The following SH3PXD2B variants were observed in gnomAD, a reference collection of about 807,000 sequenced individuals.
The protein encoded by SH3PXD2B is SH3 and PX domains 2B.
SH3PXD2B carries 37 observed loss-of-function variants against 73.1 expected under a neutral mutation model. That is an observed-to-expected ratio of 0.51 (90% CI 0.39 to 0.67). The LOEUF is 0.67. Ranked by LOEUF, SH3PXD2B falls within the 30% of genes least tolerant of loss-of-function variation. The probability of loss-of-function intolerance (pLI) is 0.00; values close to 1 mark genes in which losing one functional copy is unlikely to be tolerated. For missense variants in SH3PXD2B, 1,053 were observed against 1,197.8 expected (o/e 0.88, Z 1.78); for synonymous variants, 457 against 480.5 (o/e 0.95, Z 0.64).
exon 13 of SH3PXD2B, chr5:172,325,365 G>T: frequency 6.5e-7 from 1 of 1,535,166 alleles, no homozygotes; most frequent in South Asian, 1.2e-5. Context: ...CTCTCCAAGT[G>T]AACATTCTTA....
intron 2 of SH3PXD2B, among the ~76,000 whole-genome samples, chr5:172,414,786 G>C (rs141274379): frequency 6.6e-6 from 1 of 152,180 alleles, no homozygotes; most frequent in Non-Finnish European, 1.5e-5. Context: ...GCTCCTTCAC[G>C]GGCAGAGTGA....
chr5:172,432,741 G>A (rs1264437065), intron 1 of SH3PXD2B, among the ~76,000 whole-genome samples: 2 of 152,038 alleles, frequency 1.3e-5, no homozygotes, highest in African/African-American at 2.4e-5. Context: ...GTGAACCTCC[G>A]TTTCTACTAA....
intron 3 of SH3PXD2B, 89 bp from the exon 4 acceptor site, chr5:172,394,728 G>A: frequency 1.4e-6 from 2 of 1,420,432 alleles, no homozygotes; most frequent in Non-Finnish European, 1.9e-6. Flanking sequence ...GCGGTTCCTA[G>A]GGTAGGTCTG....
At chr5:172,342,282 C>T (rs1013619890) in intron 12 of SH3PXD2B, among the ~76,000 whole-genome samples, 7 of 152,160 alleles carry the variant, frequency 4.6e-5, no homozygotes, top group African/African-American at 9.7e-5. Flanking sequence ...TCTCTGGACT[C>T]GGAAGATCTG....
intron 2 of SH3PXD2B, among the ~76,000 whole-genome samples, chr5:172,413,350 T>C (rs2060228): frequency 0.21 from 31,445 of 152,182 alleles, 5,292 homozygotes; most frequent in African/African-American, 0.47. Flanking sequence ...ATGGACGTGC[T>C]GCACGGAGGC....
At chr5:172,446,443 T>C (rs761951877) in intron 1 of SH3PXD2B, among the ~76,000 whole-genome samples, 3 of 152,168 alleles carry the variant, frequency 2.0e-5, no homozygotes, top group Non-Finnish European at 4.4e-5. Context: ...ACAGCTGGCT[T>C]CATCGCCAAG....
intron 11 of SH3PXD2B, among the ~76,000 whole-genome samples, 164 bp downstream of exon 11, chr5:172,347,119 C>T (rs1436590656): frequency 6.6e-6 from 1 of 152,184 alleles, no homozygotes; most frequent in African/African-American, 2.4e-5. Context: ...TCCGTCTTTC[C>T]ACCTGCGAGT....
intron 1 of SH3PXD2B, among the ~76,000 whole-genome samples, chr5:172,450,512 T>C (rs1211096106): frequency 2.6e-5 from 4 of 152,112 alleles, no homozygotes; most frequent in Admixed American, 6.5e-5. Flanking sequence ...ATTGAAAATA[T>C]ACCCATTTGA....
rs1561890940 is a variant in SH3PXD2B, at chr5:172,339,307, G to A, written c.1798C>T (p.His600Tyr). 1.9e-6 allele frequency: 3 copies of A among 1,614,194 alleles called. No homozygotes were observed. Among genetic ancestry groups the A allele is most frequent in the Non-Finnish European group, 2.5e-6 (3 of 1,180,032 alleles). The change falls in exon 13 of 13, where the codon CAC (histidine) becomes TAC (tyrosine). Residue 600 changes from histidine (H) to tyrosine (Y), a missense_variant. This residue lies in a region of SH3PXD2B where 587 missense variants were observed against 590.7 expected (regional missense o/e 0.99). Transcript: ENST00000311601. This position sits in a 1 kb window ranked among gnomAD's most constrained non-coding sequence, Gnocchi z 6.1. ...TTCACTTCCTTGGCCAAGACCTTGT[G>A]GCCACACTCCAGCCCCATGTCATTT... ...LKNDMGLECG[H>Y]KVLAKEVKKP... is the part of the protein sequence containing the mutation.
chr5:172,363,211 T>C (rs1757437077), intron 6 of SH3PXD2B, among the ~76,000 whole-genome samples: 1 of 152,058 alleles, frequency 6.6e-6, no homozygotes, highest in Non-Finnish European at 1.5e-5. Context: ...CCATTATCCA[T>C]CCATCCAAAC....
chr5:172,379,931 C>T (rs1463609638), intron 5 of SH3PXD2B, among the ~76,000 whole-genome samples: 1 of 152,210 alleles, frequency 6.6e-6, no homozygotes, highest in East Asian at 1.9e-4. Context: ...CAGACTCAGG[C>T]TGACCTGGGG....
In SH3PXD2B at chr5:172,334,913, T is replaced by C; in HGVS notation, c.*3456A>G. On this transcript the variant is annotated 3_prime_UTR_variant, in exon 13 of 13. Coordinates refer to ENST00000311601, the MANE Select transcript of SH3PXD2B (RefSeq NM_001017995.3). Reference sequence around the variant, plus strand: ...AGGGCCAAGAACATTGACTTGGAAATTGATTCTATGGCGTGGCCTTGTGGC... The same window carrying C: ...AGGGCCAAGAACATTGACTTGGAAACTGATTCTATGGCGTGGCCTTGTGGC... 1 of 985,370 alleles carries C rather than the reference T, an allele frequency of 1.0e-6. No individual in the cohort carries two copies. Among genetic ancestry groups the C allele is most frequent in the Non-Finnish European group, 1.2e-6 (1 of 829,914 alleles). 61.0% of individuals were successfully genotyped at this position (985,370 alleles called of 1,614,324 possible).
intron 11 of SH3PXD2B, 120 bp downstream of exon 11, chr5:172,347,163 C>T: frequency 3.1e-6 from 3 of 982,664 alleles, no homozygotes; most frequent in Non-Finnish European, 4.8e-6. Context: ...CTTCACAAGG[C>T]TGTTGTGTGG....
chr5:172,409,484 T>A (rs1758639895), intron 2 of SH3PXD2B, among the ~76,000 whole-genome samples: 1 of 152,132 alleles, frequency 6.6e-6, no homozygotes. Flanking sequence ...ATCTCCCCAC[T>A]TCCCCCTACC....
intron 10 of SH3PXD2B, among the ~76,000 whole-genome samples, 166 bp from the exon 11 acceptor site, chr5:172,347,498 G>A (rs908902150): frequency 1.3e-5 from 2 of 152,146 alleles, no homozygotes; most frequent in African/African-American, 2.4e-5. Context: ...CTGCTCACGC[G>A]TGGCTCATAG....
intron 1 of SH3PXD2B, among the ~76,000 whole-genome samples, chr5:172,439,662 A>G (rs990240868): frequency 7.4e-6 from 1 of 135,880 alleles, no homozygotes; most frequent in African/African-American, 3.2e-5. Flanking sequence ...AAAACCAGGT[A>G]TGTGTGTGCG....
At chr5:172,382,801 T>C (rs1757979083) in intron 4 of SH3PXD2B, among the ~76,000 whole-genome samples, 1 of 152,144 alleles carries the variant, frequency 6.6e-6, no homozygotes, top group South Asian at 2.1e-4. Flanking sequence ...CAGCCTCGGC[T>C]CACCACAACC....
intron 12 of SH3PXD2B, among the ~76,000 whole-genome samples, chr5:172,326,007 G>A (rs1756441049): frequency 1.3e-5 from 2 of 152,146 alleles, no homozygotes; most frequent in African/African-American, 4.8e-5. Flanking sequence ...GGCTGGTCTC[G>A]AGCTCCCGAC....
intron 2 of SH3PXD2B, among the ~76,000 whole-genome samples, chr5:172,407,977 A>G (rs914076112): frequency 6.6e-6 from 1 of 152,180 alleles, no homozygotes. Context: ...AAATGCTACA[A>G]AGACAATTAA....
Sources: allele counts gnomAD v4.1 joint callset (sites outside exome capture counted in the v4.1 genomes callset), GRCh38; gene constraint gnomAD v4.1.1; regional missense constraint gnomAD v4.1.1; non-coding constraint Gnocchi (gnomAD v3.1); transcripts MANE v1.5; gene names NCBI Gene and HGNC (gene_info 2026-07-23, HGNC 2026-07-21).